Variants in PLEKHD1 observed in about 807,000 individuals in gnomAD.
PLEKHD1 encodes pleckstrin homology and coiled-coil domain containing D1.
In PLEKHD1, 51 loss-of-function variants were observed where a neutral mutation model predicts 69.2. The observed-to-expected ratio is 0.74, with a 90% confidence interval of 0.59 to 0.93. The LOEUF (loss-of-function observed/expected upper bound fraction) is 0.93. PLEKHD1 is among the 40% of genes least tolerant of loss of function. The probability of loss-of-function intolerance (pLI) is 0.00; values close to 1 mark genes in which losing one functional copy is unlikely to be tolerated. For synonymous variants in PLEKHD1, 236 were observed against 244.7 expected (o/e 0.96, Z 0.33); for missense variants, 584 against 641.0 (o/e 0.91, Z 0.96).
At chr14:69,490,626 T>C (rs994166584) in intron 1 of PLEKHD1, among the ~76,000 whole-genome samples, 1 of 152,194 alleles carries the variant, frequency 6.6e-6, no homozygotes, top group Non-Finnish European at 1.5e-5. Flanking sequence ...TGAACTCTAA[T>C]GTGTCATGAC....
chr14:69,484,552 C>T (rs1882608659), upstream of PLEKHD1: 1 of 157,146 alleles, frequency 6.4e-6, no homozygotes, highest in African/African-American at 2.4e-5. Context: ...CGCACGGAGC[C>T]CGGCCCTCCA....
the PLEKHD1 span, among the ~76,000 whole-genome samples, chr14:69,477,607 T>C: frequency 1.3e-5 from 2 of 152,216 alleles, no homozygotes; most frequent in African/African-American, 4.8e-5. Flanking sequence ...AAGCATTGGG[T>C]AAATACAGCC....
intron 6 of PLEKHD1, among the ~76,000 whole-genome samples, chr14:69,511,810 C>T (rs571052098): frequency 1.3e-5 from 2 of 152,280 alleles, no homozygotes; most frequent in Admixed American, 6.5e-5. Flanking sequence ...CTCGGCCTCC[C>T]AAAGTGCTAG....
At chr14:69,499,552 CAGTT>C (rs1594978614) in intron 1 of PLEKHD1, among the ~76,000 whole-genome samples, 2 of 152,302 alleles carry the variant, frequency 1.3e-5, no homozygotes, top group South Asian at 2.1e-4. Flanking sequence ...ACAGAGCCCT[CAGTT>C]AGACCTGAGT....
chr14:69,522,224 C>T (rs1480693369), intron 6 of PLEKHD1, 59 bp from the exon 7 acceptor site: 1 of 1,477,556 alleles, frequency 6.8e-7, no homozygotes, highest in African/African-American at 1.4e-5. Context: ...AGTGGGGGAT[C>T]CTGATCTCAG....
chr14:69,485,048 A>C lies in PLEKHD1; in HGVS notation c.83A>C (p.Lys28Thr). 6.4e-7 allele frequency: 1 copy of C among 1,551,334 alleles called. No individual in the cohort carries two copies. Among genetic ancestry groups the C allele is most frequent in the Non-Finnish European group, 8.7e-7 (1 of 1,146,876 alleles). Residue 28 changes from lysine (K) to threonine (T), a missense_variant, in exon 1 of 13, where the codon AAA becomes ACA. Coordinates refer to ENST00000322564, the MANE Select transcript of PLEKHD1 (RefSeq NM_001161498.2). The stretch of plus-strand genomic sequence containing the variant: ...TCGGACGCCCTGGATATCAGCACCA[A>C]AGTGCAGCTCTACGGCGTGCTGTGG... ...ADSDALDIST[K>T]VQLYGVLWKR...
intron 6 of PLEKHD1, among the ~76,000 whole-genome samples, chr14:69,514,928 C>G (rs559848271): frequency 6.6e-6 from 1 of 152,156 alleles, no homozygotes; most frequent in African/African-American, 2.4e-5. Context: ...ACAGAATGGC[C>G]TCAGGCACAG....
intron 6 of PLEKHD1, among the ~76,000 whole-genome samples, chr14:69,508,417 A>C (rs973032952): frequency 4.0e-5 from 6 of 151,562 alleles, no homozygotes; most frequent in Non-Finnish European, 8.8e-5. Context: ...AAAAAAAAAA[A>C]CAAAAACAAA....
intron 8 of PLEKHD1, among the ~76,000 whole-genome samples, chr14:69,525,344 G>A (rs1883619489): frequency 6.6e-6 from 1 of 152,122 alleles, no homozygotes; most frequent in African/African-American, 2.4e-5. Context: ...AGCTTGTGGG[G>A]CCTTTATTCA....
At chr14:69,525,710 G>T (rs1024652918) in intron 8 of PLEKHD1, among the ~76,000 whole-genome samples, 1 of 152,152 alleles carries the variant, frequency 6.6e-6, no homozygotes, top group Non-Finnish European at 1.5e-5. Context: ...AGTAGGTGCC[G>T]TCTCCACTGG....
At chr14:69,503,863 CAAA>C (rs35831952) in intron 6 of PLEKHD1, among the ~76,000 whole-genome samples, 4 of 39,122 alleles carry the variant, frequency 1.0e-4, no homozygotes, top group Middle Eastern at 0.015. Flanking sequence ...GACTCCGTCT[CAAA>C]AAAAAAAAAA....
chr14:69,511,945 T>C (rs974036715), intron 6 of PLEKHD1, among the ~76,000 whole-genome samples: 1 of 152,204 alleles, frequency 6.6e-6, no homozygotes, highest in South Asian at 2.1e-4. Flanking sequence ...GGCTTCTATC[T>C]TGAGAAAAAA....
At chr14:69,515,394 C>A (rs1208371234) in intron 6 of PLEKHD1, among the ~76,000 whole-genome samples, 1 of 152,020 alleles carries the variant, frequency 6.6e-6, no homozygotes, top group South Asian at 2.1e-4. Context: ...TTGTCAATTG[C>A]AGTTCAGGTT....
intron 9 of PLEKHD1, 55 bp from the exon 10 acceptor site, chr14:69,526,642 T>C: frequency 6.9e-7 from 1 of 1,441,404 alleles, no homozygotes; most frequent in Non-Finnish European, 9.2e-7. Context: ...GTCCATCCAT[T>C]GGCAATCCCA....
chr14:69,485,145 G>T (rs756223355), intron 1 of PLEKHD1, 31 bp downstream of exon 1: 8 of 1,538,630 alleles, frequency 5.2e-6, no homozygotes, highest in South Asian at 1.2e-5. Context: ...CAAGGAGACC[G>T]CCGGGGAGAG....
upstream of PLEKHD1, among the ~76,000 whole-genome samples, chr14:69,481,549 G>A (rs1882541830): frequency 2.6e-5 from 4 of 152,166 alleles, no homozygotes; most frequent in Admixed American, 2.6e-4. Flanking sequence ...AAGGGGAAGG[G>A]CTAAGGACTC....
intron 6 of PLEKHD1, among the ~76,000 whole-genome samples, chr14:69,507,765 T>G (rs1371690879): frequency 6.6e-6 from 1 of 152,168 alleles, no homozygotes; most frequent in African/African-American, 2.4e-5. Flanking sequence ...CAGACTGGAG[T>G]GCAGTGGAGT....
chr14:69,484,421 G>C (rs760586748), upstream of PLEKHD1, among the ~76,000 whole-genome samples: 1 of 152,170 alleles, frequency 6.6e-6, no homozygotes, highest in Non-Finnish European at 1.5e-5. Context: ...CGTGGCCCTC[G>C]TCTCGATGTC....
the PLEKHD1 span, among the ~76,000 whole-genome samples, chr14:69,478,156 G>A: frequency 6.6e-6 from 1 of 152,236 alleles, no homozygotes; most frequent in African/African-American, 2.4e-5. Context: ...AGTTGCCAAG[G>A]CCTGAGGCTT....
Sources: gnomAD v4.1 joint callset for allele counts (sites outside exome capture counted in the v4.1 genomes callset) on GRCh38, gnomAD v4.1.1 for gene constraint, MANE v1.5 for transcripts, NCBI Gene and HGNC (gene_info 2026-07-23, HGNC 2026-07-21) for gene names.